ZFYVE26: variants seen among roughly 807,000 people sequenced by gnomAD.
ZFYVE26 encodes zinc finger FYVE domain-containing protein 26.
ZFYVE26 carries 181 observed loss-of-function variants against 276.5 expected under a neutral mutation model. That is an observed-to-expected ratio of 0.65 (90% CI 0.58 to 0.74). The LOEUF (loss-of-function observed/expected upper bound fraction) is 0.74, where lower values mean the gene tolerates loss of function less well. Among genes scored for constraint, ZFYVE26 ranks in the 30% least tolerant of loss-of-function variants. The pLI is 0.00. For missense variants in ZFYVE26, 2,821 were observed against 3,097.9 expected, an observed-to-expected ratio of 0.91 and a Z score of 2.12; for synonymous variants, 1,129 against 1,203.1, an observed-to-expected ratio of 0.94 and a Z score of 1.27.
At chr14:67,786,926 A>T (rs1594918520) in intron 16 of ZFYVE26, among the ~76,000 whole-genome samples, 1 of 152,350 alleles carries the variant, frequency 6.6e-6, no homozygotes, top group Middle Eastern at 3.4e-3. Flanking sequence ...GTTAAGTGAA[A>T]TAAGCCAGGC....
chr14:67,805,704 T>C lies in ZFYVE26; in HGVS notation c.1018-86A>G. On this transcript the variant is annotated intron_variant, in intron 6 of 41. Transcript: ENST00000347230. ...TTACTGCTCTTTAGAGAAAGAAGTA[T>C]TTTAGTACAGCAGGGAGATTTCTGA... is the stretch of plus-strand genomic sequence containing the variant. The C allele has an allele frequency of 8.9e-6, 13 of 1,463,248 alleles. No homozygotes were observed. In the South Asian group the frequency reaches 1.5e-4, roughly 17 times the overall value. 90.6% of individuals were successfully genotyped at this position (1,463,248 alleles called of 1,614,324 possible). A position where few individuals can be genotyped will look rare whatever the true frequency, so the allele number is the denominator to read the frequency against.
chr14:67,777,485 C>A (rs767972), intron 25 of ZFYVE26, 74 bp downstream of exon 25: 3 of 1,609,078 alleles, frequency 1.9e-6, no homozygotes, highest in Non-Finnish European at 2.5e-6. Flanking sequence ...CTCAGGTATG[C>A]CTTCCCAACA....
At chr14:67,736,657 C>CA (rs965488469) in intron 13 of ZFYVE26, among the ~76,000 whole-genome samples, 3 of 152,150 alleles carry the variant, frequency 2.0e-5, no homozygotes, top group Non-Finnish European at 4.4e-5. Flanking sequence ...ATACCTCAAA[C>CA]AAAGTTCAAA....
intron 8 of ZFYVE26, among the ~76,000 whole-genome samples, chr14:67,804,891 T>A (rs916340091): frequency 6.6e-6 from 1 of 152,180 alleles, no homozygotes; most frequent in Non-Finnish European, 1.5e-5. Context: ...ACCCATAGGA[T>A]TATTGTGAGG....
downstream of ZFYVE26, among the ~76,000 whole-genome samples, chr14:67,742,212 A>G (rs2038422699): frequency 6.6e-6 from 1 of 152,190 alleles, no homozygotes; most frequent in Middle Eastern, 3.2e-3. Context: ...TTCACAGACA[A>G]AAAGTATAGT....
chr14:67,753,891 A>G, intron 38 of ZFYVE26, 125 bp from the exon 39 acceptor site: 1 of 1,474,524 alleles, frequency 6.8e-7, no homozygotes, highest in Non-Finnish European at 9.4e-7. Context: ...GCTAAGTGCC[A>G]GGCACTAGGG....
In ZFYVE26 at chr14:67,735,964, T is replaced by C. The variant is rs138986484; in HGVS notation, n.2680-6145A>G. On this transcript the variant is annotated intron_variant and non_coding_transcript_variant, in intron 13 of 14. Coordinates refer to the ZFYVE26 transcript ENST00000394455. ...GGCCCTTGTCCAACTCAACTTCGTA[T>C]ACAATGTTGCCATGCGTCCCAAGCT... 2.9e-3 allele frequency among the ~76,000 whole-genome samples: 440 copies of C among 152,354 alleles called. 2 individuals are homozygous for C. Among genetic ancestry groups the C allele is most frequent in the Middle Eastern group, 0.027 (8 of 294 alleles).
Position 67,755,094 on chromosome 14 carries a change from T to A in ZFYVE26, c.6943A>T (p.Thr2315Ser). 2.5e-6 allele frequency: 4 copies of A among 1,614,158 alleles called. No homozygotes were observed. The highest frequency in any genetic ancestry group is 3.4e-6 in the Non-Finnish European group (4 of 1,180,024). Residue 2315 changes from threonine (T) to serine (S), a missense_variant, in exon 37 of 42, where the codon ACC becomes TCC. By Grantham distance (58) the Thr-to-Ser change is moderately conservative. Coordinates refer to ENST00000347230, the MANE Select transcript of ZFYVE26 (RefSeq NM_015346.4). ...ETSRSSGRKKTTFFRKKMTAA... is the reference protein window; with the variant it reads ...ETSRSSGRKKSTFFRKKMTAA... ...GTCATCTTCTTTCTGAAGAATGTGG[T>A]TTTCTTCCTTCCAGAGCTGCGGGAT...
chr14:67,748,129 C>T lies in ZFYVE26; in HGVS notation c.*307G>A, dbSNP rs142018207. ...TTTCATTTGTTCAGAAATGCTTGGGCGTAAACATCAGCGCACAGGAACATG... is the reference window on the plus strand; with the variant it reads ...TTTCATTTGTTCAGAAATGCTTGGGTGTAAACATCAGCGCACAGGAACATG... On this transcript the variant is annotated 3_prime_UTR_variant, in exon 42 of 42. Transcript: ENST00000347230. The T allele has an allele frequency of 2.2e-3, 878 of 404,712 alleles. 3 individuals are homozygous for T. Among genetic ancestry groups the T allele is most frequent in the Non-Finnish European group, 3.2e-3 (714 of 220,442 alleles). 25.1% of individuals were successfully genotyped at this position (404,712 alleles called of 1,614,324 possible). A position where few individuals can be genotyped will look rare whatever the true frequency, so the allele number is the denominator to read the frequency against.
chr14:67,766,289 C>T lies in ZFYVE26; in HGVS notation c.5949G>A (p.Leu1983=). The T allele has an allele frequency of 6.2e-7, 1 of 1,613,954 alleles. No homozygotes were observed. Among genetic ancestry groups the T allele is most frequent in the Non-Finnish European group, 8.5e-7 (1 of 1,180,048 alleles). Residue 1983 remains leucine (L), a synonymous_variant, in exon 32 of 42, where the codon CTG becomes CTA. Transcript: ENST00000347230. ...TGACGAACATCATCTTGGCGCTGAA[C>T]AGCAGCTGCTTCATGATGTCCGTGA... ...GLLTDIMKQL[L]FSAKMMFVKA...
At chr14:67,784,989 TC>T (rs2039610019) in intron 19 of ZFYVE26, 69 bp downstream of exon 19, 1 of 1,515,110 alleles carries the variant, frequency 6.6e-7, no homozygotes, top group African/African-American at 1.4e-5. Context: ...CAATTGTGCA[TC>T]TTTTCTCTTC....
chr14:67,797,171 C>A, intron 12 of ZFYVE26: 1 of 173,674 alleles, frequency 5.8e-6, no homozygotes, highest in Non-Finnish European at 1.3e-5. Flanking sequence ...TATATGATAC[C>A]CATATAGATC....
In ZFYVE26 at chr14:67,790,424, CG is replaced by C. The variant is rs1457914237; in HGVS notation, c.2755+147del. On this transcript the variant is annotated intron_variant, in intron 15 of 41. Transcript: ENST00000347230. ...GGATGGGCACAGCTGGAAAACTGGA[CG>C]TATCAGGTTTGCTGTTTTTCAAGGC... 6.5e-5 allele frequency: 53 copies of C among 813,442 alleles called. No individual in the cohort carries two copies. The Middle Eastern group carries it at 1.4e-3, about 21-fold the overall frequency. 50.4% of individuals were successfully genotyped at this position (813,442 alleles called of 1,614,324 possible). A position where few individuals can be genotyped will look rare whatever the true frequency, so the allele number is the denominator to read the frequency against.
At chr14:67,743,840 G>T (rs74061513), downstream of ZFYVE26, among the ~76,000 whole-genome samples, 579 of 152,306 alleles carry the variant, frequency 3.8e-3, 3 homozygotes, top group African/African-American at 0.013. Context: ...CATAGGCAGA[G>T]AAGTGAATAA....
intron 41 of ZFYVE26, among the ~76,000 whole-genome samples, chr14:67,749,168 T>C (rs1467315318): frequency 1.3e-5 from 2 of 152,176 alleles, no homozygotes; most frequent in East Asian, 1.9e-4. Flanking sequence ...ATTACAGGAA[T>C]GAATAAACCA....
chr14:67,780,279 C>T lies in ZFYVE26; in HGVS notation c.4636G>A (p.Asp1546Asn). 6.2e-7 allele frequency: 1 copy of T among 1,614,010 alleles called. No homozygotes were observed. Among genetic ancestry groups the T allele is most frequent in the Middle Eastern group, 1.6e-4 (1 of 6,062 alleles). ...ATCATGTTCATGACAGTTGATGGGT[C>T]CTCAACACAACAGCTCCTCAAGGTC... ...WQTLRSCCVE[D>N]PSTVMNMILE... The change falls in exon 23 of 42, where the codon GAC becomes AAC. Residue 1546 changes from aspartate (D) to asparagine (N), a missense_variant. Asp to Asn is a conservative substitution (Grantham distance 23). Coordinates refer to ENST00000347230, the MANE Select transcript of ZFYVE26 (RefSeq NM_015346.4).
Position 67,753,689 on chromosome 14 carries a change from G to C in ZFYVE26, c.7188+18C>G, listed in dbSNP as rs2038706042. On this transcript the variant is annotated intron_variant, in intron 39 of 41. Coordinates refer to ENST00000347230, the MANE Select transcript of ZFYVE26 (RefSeq NM_015346.4). The stretch of plus-strand genomic sequence containing the variant: ...GTGCTGATTGTCCTCAGTATGATTT[G>C]AATGATCCAAGTCATACCTGCAGAA... The C allele has an allele frequency of 1.4e-5, 22 of 1,612,146 alleles. No individual in the cohort carries two copies. The highest frequency in any genetic ancestry group is 2.7e-5 in the African/African-American group (2 of 74,868).
chr14:67,784,412 T>A lies in ZFYVE26; in HGVS notation c.3548A>T (p.Asn1183Ile). 6.2e-7 allele frequency: 1 copy of A among 1,614,118 alleles called. No homozygotes were observed. Among genetic ancestry groups the A allele is most frequent in the Non-Finnish European group, 8.5e-7 (1 of 1,180,000 alleles). ...GCTCTGTTGCAGCAGAACAAAGGGA[T>A]TTCCTACCTTGACCTCCACATGATC... The part of the protein sequence containing the change: ...EPDHVEVKVG[N>I]PFVLLQQSSS... Residue 1183 changes from asparagine to isoleucine, a missense_variant, in exon 20 of 42, where the codon AAT (asparagine) becomes ATT (isoleucine). Asn to Ile is a moderately radical substitution (Grantham distance 149, BLOSUM62 -3). Coordinates refer to ENST00000347230, the MANE Select transcript of ZFYVE26 (RefSeq NM_015346.4).
intron 3 of ZFYVE26, among the ~76,000 whole-genome samples, chr14:67,809,684 A>G (rs1222487211): frequency 6.6e-6 from 1 of 151,770 alleles, no homozygotes; most frequent in African/African-American, 2.4e-5. Flanking sequence ...GGCCTCCCAA[A>G]GTGCTGGGAT....
Sources: allele counts gnomAD v4.1 joint callset (sites outside exome capture counted in the v4.1 genomes callset), GRCh38; gene constraint gnomAD v4.1.1; transcripts MANE v1.5; gene names NCBI Gene and HGNC (gene_info 2026-07-23, HGNC 2026-07-21).